The following CARD19 variants were observed in gnomAD, a reference collection of about 807,000 sequenced individuals.
CARD19 encodes caspase recruitment domain family member 19, also known as caspase recruitment domain-containing protein 19.
In CARD19, 25 loss-of-function variants were observed where a neutral mutation model predicts 24.1. The ratio of observed to expected loss-of-function variants is 1.04; its 90% CI spans 0.76 to 1.45. The LOEUF (loss-of-function observed/expected upper bound fraction) is 1.45. CARD19 is among the 40% of genes most tolerant of loss of function. The pLI is 0.00. For missense variants in CARD19, 241 were observed against 247.4 expected (o/e 0.97, Z 0.17); for synonymous variants, 103 against 104.9 (o/e 0.98, Z 0.11).
rs1427462856 is a variant in CARD19 at position 93,112,245 on chromosome 9, G to T, written c.392G>T (p.Gly131Val). The change falls in exon 5 of 6, where the codon GGC (glycine) becomes GTC (valine). Residue 131 changes from glycine (G) to valine (V), a missense_variant. Physicochemically the swap from Gly to Val is moderately radical, Grantham distance 109 (BLOSUM62 -3). Coordinates refer to ENST00000375464, the MANE Select transcript of CARD19 (RefSeq NM_032310.5). ...CCCATGAGCTTCCTGGCTGGCCTGG[G>T]CCTTGCTGTGGGACTGGCCCTGCTC... ...RGPMSFLAGL[G>V]LAVGLALLLY... is the part of the protein sequence containing the mutation. The T allele has an allele frequency of 6.5e-6, 10 of 1,544,972 alleles. No individual in the cohort carries two copies. The highest frequency in any genetic ancestry group is 8.7e-6 in the Non-Finnish European group (10 of 1,147,026).
intron 1 of CARD19, among the ~76,000 whole-genome samples, chr9:93,101,197 C>A (rs562341383): frequency 6.6e-6 from 1 of 152,124 alleles, no homozygotes; most frequent in Admixed American, 6.5e-5. Flanking sequence ...CGTGCCTCAG[C>A]CCCCTGAGTA....
chr9:93,113,231 A>G lies in CARD19; in HGVS notation c.*124A>G, dbSNP rs1827582085. 3 of 620,738 alleles carry G rather than the reference A, an allele frequency of 4.8e-6. No homozygotes were observed. The highest frequency in any genetic ancestry group is 8.3e-6 in the Non-Finnish European group (3 of 362,352). 38.5% of individuals were successfully genotyped at this position (620,738 alleles called of 1,614,324 possible). On this transcript the variant is annotated 3_prime_UTR_variant, in exon 6 of 6. Coordinates refer to ENST00000375464, the MANE Select transcript of CARD19 (RefSeq NM_032310.5). The stretch of plus-strand genomic sequence containing the variant: ...TCATTATTTATAATTTGTGTAAAAA[A>G]CACACCTTCACCTTACAAGGTGCTG...
chr9:93,100,062 C>A (rs951078146), intron 1 of CARD19, among the ~76,000 whole-genome samples: 2 of 152,252 alleles, frequency 1.3e-5, no homozygotes, highest in African/African-American at 2.4e-5. Context: ...CCCAGCCCCG[C>A]ACAGGGCGAG....
chr9:93,102,973 A>C (rs1256500869), intron 1 of CARD19, among the ~76,000 whole-genome samples: 1 of 152,148 alleles, frequency 6.6e-6, no homozygotes, highest in Non-Finnish European at 1.5e-5. Context: ...TGTTGATTTT[A>C]TATCTTGCAA....
At chr9:93,107,180 TG>T (rs1261405494) in intron 1 of CARD19, among the ~76,000 whole-genome samples, 1 of 152,138 alleles carries the variant, frequency 6.6e-6, no homozygotes, top group Non-Finnish European at 1.5e-5. Context: ...AGCGCACATC[TG>T]GGCATTCTTG....
intron 1 of CARD19, among the ~76,000 whole-genome samples, chr9:93,097,663 G>A (rs1444731193): frequency 1.3e-5 from 2 of 152,060 alleles, no homozygotes; most frequent in Non-Finnish European, 2.9e-5. Flanking sequence ...CCCAGGGACT[G>A]GGTGTTGGCA....
chr9:93,100,729 C>G (rs956918618), intron 1 of CARD19, among the ~76,000 whole-genome samples: 2 of 152,230 alleles, frequency 1.3e-5, no homozygotes, highest in African/African-American at 4.8e-5. Flanking sequence ...CTTTCTCCTT[C>G]TGCCCACACC....
chr9:93,102,393 G>A (rs1182277797), intron 1 of CARD19, among the ~76,000 whole-genome samples: 1 of 152,084 alleles, frequency 6.6e-6, no homozygotes, highest in Non-Finnish European at 1.5e-5. Context: ...TCAGTTGTAG[G>A]AGTTCTTTAT....
chr9:93,101,674 A>C (rs1827090046), intron 1 of CARD19, among the ~76,000 whole-genome samples: 1 of 150,182 alleles, frequency 6.7e-6, no homozygotes, highest in Non-Finnish European at 1.5e-5. Flanking sequence ...TCCTGACTGC[A>C]TGATCTGCCT....
chr9:93,101,677 A>G (rs1347803643), intron 1 of CARD19, among the ~76,000 whole-genome samples: 1 of 151,890 alleles, frequency 6.6e-6, no homozygotes, highest in African/African-American at 2.4e-5. Flanking sequence ...TGACTGCATG[A>G]TCTGCCTGCC....
At position 93,112,976 on chromosome 9, in the gene CARD19, C is replaced by T; in HGVS notation, c.437-16C>T. The T allele has an allele frequency of 1.3e-6, 2 of 1,579,462 alleles. No individual in the cohort carries two copies. The highest frequency in any genetic ancestry group is 8.7e-7 in the Non-Finnish European group (1 of 1,155,568). The stretch of plus-strand genomic sequence containing the variant: ...GGACTGGTTCTTGAGCTTTTGCCTC[C>T]CCTTTTGTCTTCTAGACCCCAAGGG... On this transcript the variant is annotated splice_polypyrimidine_tract_variant and intron_variant, in intron 5 of 5. Coordinates refer to ENST00000375464, the MANE Select transcript of CARD19 (RefSeq NM_032310.5).
In CARD19 at chr9:93,096,502, C is replaced by G; in HGVS notation, c.7+150C>G. 1 of 723,740 alleles carries G rather than the reference C, an allele frequency of 1.4e-6. No individual in the cohort carries two copies. The highest frequency in any genetic ancestry group is 1.9e-6 in the Non-Finnish European group (1 of 529,426). The allele number at this position is 723,740 out of a possible 1,614,324, so 44.8% of individuals were successfully genotyped here. ...TGGCCCGTCAGCTGTCGGTGGTGCG[C>G]GAGTGCACCCCCGCGAAGTGGTGGG... On this transcript the variant is annotated intron_variant, in intron 1 of 5. Transcript: ENST00000375464. This position sits in a 1 kb window ranked among gnomAD's most constrained non-coding sequence, Gnocchi z 5.4.
At chr9:93,105,307 G>A (rs978440618) in intron 1 of CARD19, among the ~76,000 whole-genome samples, 4 of 152,042 alleles carry the variant, frequency 2.6e-5, no homozygotes, top group Admixed American at 1.3e-4. Context: ...TTGAGACAGA[G>A]TCTTGCTCTG....
chr9:93,110,865 C>T, intron 3 of CARD19, 144 bp downstream of exon 3: 2 of 1,533,478 alleles, frequency 1.3e-6, no homozygotes, highest in Non-Finnish European at 1.7e-6. Context: ...CTCAGCCCCT[C>T]CCCAGAGGCC....
intron 1 of CARD19, among the ~76,000 whole-genome samples, chr9:93,107,134 G>T (rs1167811704): frequency 6.6e-6 from 1 of 152,154 alleles, no homozygotes; most frequent in Non-Finnish European, 1.5e-5. Context: ...CCTGAGCCCT[G>T]TGTCCCTGTA....
At chr9:93,109,492 A>G (rs1361755612) in intron 2 of CARD19, among the ~76,000 whole-genome samples, 1 of 149,482 alleles carries the variant, frequency 6.7e-6, no homozygotes. Context: ...TTTCTTTGAG[A>G]TGGAGTCTCT....
Position 93,110,521 on chromosome 9 carries a change from C to G in CARD19, c.151-47C>G, listed in dbSNP as rs768992453. On this transcript the variant is annotated intron_variant, in intron 2 of 5. Transcript: ENST00000375464. ...CTTGGTGCCCTGCCCTGACCCACAGCCAGCCCCCCTGGCCTGATCTTCCCT... is the reference window on the plus strand; with the variant it reads ...CTTGGTGCCCTGCCCTGACCCACAGGCAGCCCCCCTGGCCTGATCTTCCCT... 4.5e-6 allele frequency: 7 copies of G among 1,547,952 alleles called. No individual in the cohort carries two copies. The East Asian group carries it at 1.6e-4, about 35-fold the overall frequency.
At chr9:93,111,623 G>A (rs1827489319) in intron 3 of CARD19, 1 of 1,352,326 alleles carries the variant, frequency 7.4e-7, no homozygotes, top group African/African-American at 1.5e-5. Flanking sequence ...AACCAGGCAG[G>A]GCCAAGCCTT....
chr9:93,106,472 C>T (rs1827261581), intron 1 of CARD19, among the ~76,000 whole-genome samples: 1 of 148,500 alleles, frequency 6.7e-6, no homozygotes, highest in African/African-American at 2.5e-5. Flanking sequence ...CCTGTAATCC[C>T]AGGAAGAATT....
Sources: allele counts gnomAD v4.1 joint callset (sites outside exome capture counted in the v4.1 genomes callset), GRCh38; gene constraint gnomAD v4.1.1; non-coding constraint Gnocchi (gnomAD v3.1); transcripts MANE v1.5; gene names NCBI Gene and HGNC (gene_info 2026-07-23, HGNC 2026-07-21).